Variants in CRY1 observed in about 807,000 individuals in gnomAD.
CRY1 encodes the protein cryptochrome circadian regulator 1.
CRY1 carries 45 observed loss-of-function variants against 76.0 expected under a neutral mutation model. The observed-to-expected ratio is 0.59, with a 90% CI of 0.47 to 0.76. CRY1 has a LOEUF of 0.76. Among genes scored for constraint, CRY1 ranks in the 30% least tolerant of loss-of-function variants. The probability of loss-of-function intolerance (pLI) is 0.00; values close to 1 mark genes in which losing one functional copy is unlikely to be tolerated. For missense variants in CRY1, 587 were observed against 716.4 expected, an observed-to-expected ratio of 0.82 and a Z score of 2.06; for synonymous variants, 248 against 244.0, an observed-to-expected ratio of 1.02 and a Z score of -0.15.
intron 1 of CRY1, among the ~76,000 whole-genome samples, chr12:107,080,182 G>A (rs1237509649): frequency 1.3e-5 from 2 of 152,040 alleles, no homozygotes; most frequent in Non-Finnish European, 2.9e-5. Context: ...GGACTCAAAT[G>A]GGCAAATGGA....
intron 1 of CRY1, chr12:107,042,916 C>G (rs1952814434): frequency 6.6e-6 from 1 of 152,160 alleles, no homozygotes; most frequent in Admixed American, 6.5e-5. Context: ...AGAGATCTTA[C>G]CTCACAGGTA....
chr12:107,049,122 T>C (rs1952885218), intron 1 of CRY1, among the ~76,000 whole-genome samples: 1 of 152,184 alleles, frequency 6.6e-6, no homozygotes, highest in Non-Finnish European at 1.5e-5. Context: ...ACTCTATTCC[T>C]AGGATATTGC....
chr12:107,026,905 T>G (rs1017993959), intron 1 of CRY1, among the ~76,000 whole-genome samples: 1 of 152,090 alleles, frequency 6.6e-6, no homozygotes, highest in Non-Finnish European at 1.5e-5. Flanking sequence ...CACAACTTCA[T>G]CTGAATGTGA....
Position 107,092,927 on chromosome 12 carries a change from C to G in CRY1, c.35G>C (p.Gly12Ala). Reference protein sequence around the residue: ...GVNAVHWFRKGLRLHDNPALK... With the variant: ...GVNAVHWFRKALRLHDNPALK... ...GGCGGGGTTGTCGTGGAGCCGGAGC[C>G]CCTTTCGGAACCAGTGCACGGCGTT... The change falls in exon 1 of 13, where the codon GGG becomes GCG. Residue 12 changes from glycine to alanine, a missense_variant. Gly to Ala is a moderately conservative substitution (Grantham distance 60, BLOSUM62 0). Coordinates refer to ENST00000008527, the MANE Select transcript of CRY1 (RefSeq NM_004075.5). 1 of 1,601,284 alleles carries G rather than the reference C, an allele frequency of 6.2e-7. No homozygotes were observed. Among genetic ancestry groups the G allele is most frequent in the South Asian group, 1.1e-5 (1 of 89,430 alleles).
At chr12:107,001,137 C>T in intron 5 of CRY1, 143 bp downstream of exon 5, 3 of 610,586 alleles carry the variant, frequency 4.9e-6, no homozygotes, top group Non-Finnish European at 5.7e-6. Context: ...AACTTTCAAA[C>T]AATTAGGTTT....
At chr12:107,028,212 A>G (rs1182985454) in intron 1 of CRY1, among the ~76,000 whole-genome samples, 1 of 152,140 alleles carries the variant, frequency 6.6e-6, no homozygotes, top group Non-Finnish European at 1.5e-5. Context: ...AAAGTCTATT[A>G]TATTTTATTA....
At chr12:107,041,046 C>G (rs1166380688) in intron 1 of CRY1, among the ~76,000 whole-genome samples, 1 of 152,078 alleles carries the variant, frequency 6.6e-6, no homozygotes, top group Non-Finnish European at 1.5e-5. Context: ...ACTGCATCTG[C>G]CCTATGGATG....
intron 1 of CRY1, among the ~76,000 whole-genome samples, chr12:107,088,440 T>A (rs1953429375): frequency 6.6e-6 from 1 of 152,214 alleles, no homozygotes; most frequent in African/African-American, 2.4e-5. Context: ...CTTTTCTTTA[T>A]AAATTACCCA....
intron 3 of CRY1, among the ~76,000 whole-genome samples, chr12:107,003,724 G>A (rs1020545048): frequency 6.6e-6 from 1 of 151,686 alleles, no homozygotes; most frequent in Non-Finnish European, 1.5e-5. Context: ...GAGAATCTTA[G>A]GACAAAACAT....
rs997431099 is a variant in CRY1 at position 107,031,755 on chromosome 12, A to G, written c.159-9563T>C. On this transcript the variant is annotated intron_variant, in intron 1 of 12. Transcript: ENST00000008527. ...CCGTTCTACAAAACATTTGACCAGT[A>G]CTCAAAACCACAGAGGTCATTAAAA... Among the ~76,000 whole-genome samples the G allele has an allele frequency of 3.3e-5, 5 of 152,310 alleles. No individual in the cohort carries two copies. The South Asian group carries it at 1.0e-3, about 32-fold the overall frequency.
At chr12:107,058,946 A>C (rs1035237697) in intron 1 of CRY1, among the ~76,000 whole-genome samples, 2 of 152,208 alleles carry the variant, frequency 1.3e-5, no homozygotes, top group African/African-American at 2.4e-5. Flanking sequence ...ATATTAAGAC[A>C]CTGTAAGCAC....
chr12:107,037,351 G>A (rs926876913), intron 1 of CRY1, among the ~76,000 whole-genome samples: 1 of 152,166 alleles, frequency 6.6e-6, no homozygotes, highest in Non-Finnish European at 1.5e-5. Context: ...GGCCAACATG[G>A]TGAAACCCTG....
intron 2 of CRY1, among the ~76,000 whole-genome samples, chr12:107,016,836 C>T (rs984628376): frequency 5.3e-5 from 8 of 152,172 alleles, no homozygotes; most frequent in African/African-American, 1.7e-4. Flanking sequence ...ATCCATTCTG[C>T]CATGCGTCCA....
At chr12:107,071,859 A>G (rs1008567135) in intron 1 of CRY1, among the ~76,000 whole-genome samples, 1 of 152,228 alleles carries the variant, frequency 6.6e-6, no homozygotes, top group Non-Finnish European at 1.5e-5. Flanking sequence ...ATGCATTAAT[A>G]GCAAATTCAA....
intron 1 of CRY1, among the ~76,000 whole-genome samples, chr12:107,064,919 G>A (rs1185235299): frequency 6.6e-6 from 1 of 152,150 alleles, no homozygotes; most frequent in Non-Finnish European, 1.5e-5. Flanking sequence ...ACTTGAGGGA[G>A]GGGCAAAAGC....
chr12:107,044,821 T>C (rs1218417443), intron 1 of CRY1, among the ~76,000 whole-genome samples: 3 of 152,150 alleles, frequency 2.0e-5, no homozygotes, highest in East Asian at 1.9e-4. Flanking sequence ...AAATTTGTCA[T>C]TGGAGAAAGA....
intron 1 of CRY1, among the ~76,000 whole-genome samples, chr12:107,083,721 C>T (rs895545867): frequency 2.0e-5 from 3 of 152,092 alleles, no homozygotes; most frequent in Admixed American, 2.0e-4. Context: ...TATGACAAAC[C>T]CATAGCCAAT....
At chr12:107,074,871 C>T (rs1450903752) in intron 1 of CRY1, among the ~76,000 whole-genome samples, 1 of 152,012 alleles carries the variant, frequency 6.6e-6, no homozygotes, top group Non-Finnish European at 1.5e-5. Context: ...AAAAATTAGC[C>T]GGGTGTGATG....
intron 10 of CRY1, among the ~76,000 whole-genome samples, chr12:106,995,291 C>T (rs1174432031): frequency 2.6e-5 from 4 of 152,174 alleles, no homozygotes; most frequent in African/African-American, 9.7e-5. Context: ...CCCCTTCTCC[C>T]AAAACTAATT....
Sources: allele counts gnomAD v4.1 joint callset (sites outside exome capture counted in the v4.1 genomes callset), GRCh38; gene constraint gnomAD v4.1.1; transcripts MANE v1.5; gene names NCBI Gene and HGNC (gene_info 2026-07-23, HGNC 2026-07-21).